The following UBE2E2 variants were observed in gnomAD, a reference collection of about 807,000 sequenced individuals.
UBE2E2 encodes ubiquitin conjugating enzyme E2 E2, also known as ubiquitin-conjugating enzyme E2 E2.
Under a neutral mutation model 24.7 loss-of-function variants are expected in UBE2E2, and 6 were observed. That is an observed-to-expected ratio of 0.24 (90% CI 0.13 to 0.48). UBE2E2 has a LOEUF of 0.48. Among genes scored for constraint, UBE2E2 ranks in the 20% least tolerant of loss-of-function variants. The pLI is 0.99. For synonymous variants in UBE2E2, 104 were observed against 83.6 expected (o/e 1.24, Z -1.33); for missense variants, 169 against 245.0 (o/e 0.69, Z 2.07).
chr3:23,565,141 A>G (rs1696037697), intron 5 of UBE2E2, among the ~76,000 whole-genome samples: 2 of 152,186 alleles, frequency 1.3e-5, no homozygotes, highest in African/African-American at 4.8e-5. Flanking sequence ...TTTGTTAAAT[A>G]TAGCTTCTCT....
intron 3 of UBE2E2, among the ~76,000 whole-genome samples, chr3:23,285,901 A>C (rs1255331883): frequency 2.6e-5 from 4 of 152,146 alleles, no homozygotes; most frequent in Non-Finnish European, 5.9e-5. Context: ...TTCACCATGT[A>C]GGCCCAGCTG....
intron 5 of UBE2E2, among the ~76,000 whole-genome samples, chr3:23,534,951 A>C (rs1238883324): frequency 6.6e-6 from 1 of 152,228 alleles, no homozygotes; most frequent in African/African-American, 2.4e-5. Flanking sequence ...TTATCCATAC[A>C]TAAACTTATT....
chr3:23,466,397 C>G (rs1406809636), intron 3 of UBE2E2, among the ~76,000 whole-genome samples: 1 of 152,118 alleles, frequency 6.6e-6, no homozygotes, highest in Non-Finnish European at 1.5e-5. Context: ...TCTTGATCAT[C>G]CTGCCTTTGT....
intron 3 of UBE2E2, among the ~76,000 whole-genome samples, chr3:23,247,476 T>A (rs1303299520): frequency 1.1e-4 from 16 of 151,870 alleles, no homozygotes; most frequent in Admixed American, 9.8e-4. Context: ...TGCCTCAGCC[T>A]CCTGAGTAGC....
At chr3:23,457,072 A>G (rs936417434) in intron 3 of UBE2E2, among the ~76,000 whole-genome samples, 3 of 152,200 alleles carry the variant, frequency 2.0e-5, no homozygotes, top group Admixed American at 6.5e-5. Context: ...TTCCTGAACA[A>G]TGGTGAAAAC....
intron 5 of UBE2E2, among the ~76,000 whole-genome samples, chr3:23,561,114 T>A (rs528125812): frequency 6.6e-6 from 1 of 152,338 alleles, no homozygotes; most frequent in African/African-American, 2.4e-5. Context: ...TGCCATTGCT[T>A]TTGGTGTTTT....
At chr3:23,477,029 A>G (rs1395591382) in intron 3 of UBE2E2, among the ~76,000 whole-genome samples, 1 of 152,166 alleles carries the variant, frequency 6.6e-6, no homozygotes, top group Non-Finnish European at 1.5e-5. Flanking sequence ...AATTATTAAC[A>G]AAATTATCAT....
At chr3:23,253,781 G>A (rs1697641844) in intron 3 of UBE2E2, among the ~76,000 whole-genome samples, 1 of 152,136 alleles carries the variant, frequency 6.6e-6, no homozygotes. Flanking sequence ...AAGGTATATA[G>A]TAGTATGAAA....
chr3:23,381,044 A>T (rs761917801), intron 3 of UBE2E2, among the ~76,000 whole-genome samples: 26 of 152,178 alleles, frequency 1.7e-4, no homozygotes, highest in Non-Finnish European at 3.2e-4. Context: ...AATGAATAGA[A>T]TCTTCATGCC....
chr3:23,335,433 ATAAAC>A (rs1392223085), intron 3 of UBE2E2, among the ~76,000 whole-genome samples: 1 of 152,214 alleles, frequency 6.6e-6, no homozygotes, highest in Non-Finnish European at 1.5e-5. Flanking sequence ...AGGTAGTAAA[ATAAAC>A]TATAGTATTT....
intron 3 of UBE2E2, among the ~76,000 whole-genome samples, chr3:23,259,235 G>A (rs1160458387): frequency 2.0e-5 from 3 of 152,072 alleles, no homozygotes; most frequent in Admixed American, 6.5e-5. Context: ...GTGTGTGTGC[G>A]TTTGTGCACA....
chr3:23,221,317 A>G (rs1393020964), intron 3 of UBE2E2, among the ~76,000 whole-genome samples: 2 of 152,208 alleles, frequency 1.3e-5, no homozygotes, highest in African/African-American at 4.8e-5. Context: ...ATTGAGATAT[A>G]AAGTGTAAAA....
chr3:23,469,977 A>G (rs543818255), intron 3 of UBE2E2, among the ~76,000 whole-genome samples: 1 of 152,346 alleles, frequency 6.6e-6, no homozygotes, highest in Non-Finnish European at 1.5e-5. Context: ...CCATGTTGGC[A>G]AATATTTCAA....
intron 1 of UBE2E2, among the ~76,000 whole-genome samples, chr3:23,205,766 A>G (rs1333041637): frequency 2.0e-5 from 3 of 152,152 alleles, no homozygotes; most frequent in Non-Finnish European, 4.4e-5. Flanking sequence ...GGAATTTCTA[A>G]TAGTATTTTT....
intron 5 of UBE2E2, among the ~76,000 whole-genome samples, chr3:23,539,736 T>C (rs1695346545): frequency 6.6e-6 from 1 of 152,206 alleles, no homozygotes; most frequent in Non-Finnish European, 1.5e-5. Flanking sequence ...AGGTTTCTGA[T>C]TGGTGTGTTC....
intron 5 of UBE2E2, among the ~76,000 whole-genome samples, chr3:23,564,193 G>A (rs1392064147): frequency 6.6e-6 from 1 of 151,942 alleles, no homozygotes; most frequent in African/African-American, 2.4e-5. Context: ...ACATTTAGGG[G>A]CAATAGGTCT....
chr3:23,335,148 A>C (rs1695167048), intron 3 of UBE2E2, among the ~76,000 whole-genome samples: 1 of 152,212 alleles, frequency 6.6e-6, no homozygotes, highest in Non-Finnish European at 1.5e-5. Flanking sequence ...TGTGGGTCTC[A>C]AATATATTTC....
intron 5 of UBE2E2, among the ~76,000 whole-genome samples, chr3:23,557,912 C>G (rs1272488032): frequency 6.6e-6 from 1 of 152,184 alleles, no homozygotes; most frequent in East Asian, 1.9e-4. Flanking sequence ...CTGACAAATT[C>G]TTTCAGAAAG....
chr3:23,529,497 C>G (rs746978597), intron 4 of UBE2E2, among the ~76,000 whole-genome samples: 2 of 152,214 alleles, frequency 1.3e-5, no homozygotes, highest in Non-Finnish European at 2.9e-5. Context: ...TGCTGAGAGA[C>G]AAACCGTAGG....
Sources: allele counts gnomAD v4.1 joint callset (sites outside exome capture counted in the v4.1 genomes callset), GRCh38; gene constraint gnomAD v4.1.1; transcripts MANE v1.5; gene names NCBI Gene and HGNC (gene_info 2026-07-23, HGNC 2026-07-21).